MRPS10: variants seen among roughly 807,000 people sequenced by gnomAD.
MRPS10 encodes small ribosomal subunit protein uS10m.
In MRPS10, 23 loss-of-function variants were observed where a neutral mutation model predicts 27.5. That is an observed-to-expected ratio of 0.84 (90% CI 0.60 to 1.18). The LOEUF is 1.18. Among genes scored for constraint, MRPS10 ranks in the 50% most tolerant of loss-of-function variants. The pLI is 0.00. For synonymous variants in MRPS10, 88 were observed against 84.2 expected (o/e 1.04, Z -0.25); for missense variants, 237 against 240.1 (o/e 0.99, Z 0.09).
At chr6:42,215,356 T>A (rs927238196) in intron 1 of MRPS10, among the ~76,000 whole-genome samples, 4 of 3,706 alleles carry the variant, frequency 1.1e-3, no homozygotes, top group East Asian at 0.021. Flanking sequence ...CGAGACTCCC[T>A]CTCAAAAAAA....
chr6:42,217,703 T>C, intron 1 of MRPS10, 99 bp downstream of exon 1: 1 of 1,278,468 alleles, frequency 7.8e-7, no homozygotes, highest in South Asian at 1.2e-5. Context: ...GAGGGATAAA[T>C]ATCAGGAAAA....
chr6:42,215,014 T>A (rs1403295228), intron 1 of MRPS10, among the ~76,000 whole-genome samples: 1 of 152,154 alleles, frequency 6.6e-6, no homozygotes, highest in African/African-American at 2.4e-5. Context: ...TAACAGCTGT[T>A]TTTTCCTTTC....
In MRPS10 at chr6:42,214,147, ATCAACGTGTAG is replaced by A; in HGVS notation, c.148_158del (p.Leu50CysfsTer14). On this transcript the variant is annotated frameshift_variant, in exon 3 of 7. Transcript: ENST00000053468. LOFTEE classifies it high-confidence loss of function. ...CAGGTTTGGTCAAATCCTTTGGAACATCAACGTGTAGGTTTGAAAACTGTACCCACTTCATA... is the reference window on the plus strand; with the variant it reads ...CAGGTTTGGTCAAATCCTTTGGAACAGTTTGAAAACTGTACCCACTTCATA... 1 of 1,613,198 alleles carries A rather than the reference ATCAACGTGTAG, an allele frequency of 6.2e-7. No individual in the cohort carries two copies. Among genetic ancestry groups the A allele is most frequent in the South Asian group, 1.1e-5 (1 of 90,924 alleles).
intron 1 of MRPS10, among the ~76,000 whole-genome samples, chr6:42,217,451 C>A (rs1003250447): frequency 6.6e-6 from 1 of 152,172 alleles, no homozygotes; most frequent in Non-Finnish European, 1.5e-5. Flanking sequence ...TATCTTGCAC[C>A]AGCTCAGCCT....
intron 3 of MRPS10, among the ~76,000 whole-genome samples, chr6:42,212,848 T>A (rs947138482): frequency 6.6e-6 from 1 of 152,232 alleles, no homozygotes; most frequent in African/African-American, 2.4e-5. Flanking sequence ...AGGGGGAATA[T>A]AGCCTCAAGA....
chr6:42,214,009 G>A, intron 3 of MRPS10, 111 bp downstream of exon 3: 1 of 806,106 alleles, frequency 1.2e-6, no homozygotes, highest in Non-Finnish European at 1.9e-6. Flanking sequence ...CAGTATTCTA[G>A]GACAAAATTT....
chr6:42,216,968 A>G (rs760763841), intron 1 of MRPS10, among the ~76,000 whole-genome samples: 1 of 152,190 alleles, frequency 6.6e-6, no homozygotes, highest in East Asian at 1.9e-4. Flanking sequence ...ACCAGTGTAC[A>G]GTGAAGTTTT....
At chr6:42,214,578 C>G (rs1768868980) in intron 1 of MRPS10, among the ~76,000 whole-genome samples, 1 of 101,270 alleles carries the variant, frequency 9.9e-6, no homozygotes, top group African/African-American at 2.7e-5. Flanking sequence ...GGAATAAAAA[C>G]TTTTTCAAAA....
rs968638778 is a variant in MRPS10 at position 42,207,140 on chromosome 6, CAG to C, written c.*1147_*1148del. On this transcript the variant is annotated 3_prime_UTR_variant, in exon 7 of 7. Transcript: ENST00000053468. ...GGAAAAGCAGACATCTCCTAACAAA[CAG>C]AGTGACATTTACCAAAATAAAGAGG... The C allele has an allele frequency of 1.1e-4, 16 of 151,320 alleles. No homozygotes were observed. Among genetic ancestry groups the C allele is most frequent in the Admixed American group, 6.6e-5 (1 of 15,258 alleles). 9.4% of individuals were successfully genotyped at this position (151,320 alleles called of 1,614,324 possible).
chr6:42,217,801 C>T lies in MRPS10; in HGVS notation c.48+1G>A, dbSNP rs1397552503. The T allele has an allele frequency of 1.9e-6, 3 of 1,614,178 alleles. No homozygotes were observed. Among genetic ancestry groups the T allele is most frequent in the Admixed American group, 3.3e-5 (2 of 60,010 alleles). The stretch of plus-strand genomic sequence containing the variant: ...CCTAGTCTCCCTAGCCAATCCAGTA[C>T]CTGCCAGAGGCGCCGGCACACAGCA... On this transcript the variant is annotated splice_donor_variant, in intron 1 of 6. Coordinates refer to ENST00000053468, the MANE Select transcript of MRPS10 (RefSeq NM_018141.4). LOFTEE classifies it high-confidence loss of function.
At chr6:42,212,041 T>C (rs1275844027) in intron 3 of MRPS10, 124 bp from the exon 4 acceptor site, 31 of 809,978 alleles carry the variant, frequency 3.8e-5, no homozygotes, top group Non-Finnish European at 5.4e-5. Context: ...AAACACTGAG[T>C]GACGGCAGTG....
At position 42,214,294 on chromosome 6, in the gene MRPS10, A is replaced by G. The variant is rs769239613; in HGVS notation, c.99T>C (p.Asn33=). Residue 33 remains asparagine (N), a synonymous_variant, in exon 2 of 7, where the codon AAT becomes AAC. Transcript: ENST00000053468. ...TGTATACTTACAGAAGCAAGCCACC[A>G]TTTTTGGCTGTATTGCCCTTAGAAG... ...VNTSKGNTAK[N]GGLLLSTNMK... is the part of the protein sequence containing the mutation. 8 of 1,613,000 alleles carry G rather than the reference A, an allele frequency of 5.0e-6. No homozygotes were observed. The highest frequency in any genetic ancestry group is 1.7e-4 in the Middle Eastern group (1 of 6,056).
At chr6:42,208,810 T>C (rs1562070977) in intron 6 of MRPS10, 48 bp downstream of exon 6, 1 of 1,266,902 alleles carries the variant, frequency 7.9e-7, no homozygotes, top group Non-Finnish European at 1.1e-6. Context: ...ACAATACAGA[T>C]ACCACTCCCC....
At position 42,208,209 on chromosome 6, in the gene MRPS10, C is replaced by G. The variant is rs1403526565; in HGVS notation, c.*80G>C. On this transcript the variant is annotated 3_prime_UTR_variant, in exon 7 of 7. Transcript: ENST00000053468. ...TTAGGGCAGACTCAAATCATCTCAG[C>G]TGGAAGCACTCTCCACTTAAACATA... is the stretch of plus-strand genomic sequence containing the variant. 1 of 1,054,786 alleles carries G rather than the reference C, an allele frequency of 9.5e-7. No individual in the cohort carries two copies. Among genetic ancestry groups the G allele is most frequent in the Non-Finnish European group, 1.5e-6 (1 of 681,564 alleles). 65.3% of individuals were successfully genotyped at this position (1,054,786 alleles called of 1,614,324 possible). A position where few individuals can be genotyped will look rare whatever the true frequency, so the allele number is the denominator to read the frequency against.
At chr6:42,209,001 TTTTTG>T (rs1362548518) in intron 5 of MRPS10, 54 bp from the exon 6 acceptor site, 7 of 1,157,486 alleles carry the variant, frequency 6.0e-6, no homozygotes, top group African/African-American at 1.9e-5. Flanking sequence ...AAAGCACGGT[TTTTTG>T]TTTTTTTTTT....
chr6:42,214,367 A>G (rs368932243), intron 1 of MRPS10, 23 bp from the exon 2 acceptor site: 1 of 1,542,124 alleles, frequency 6.5e-7, no homozygotes, highest in South Asian at 1.1e-5. Context: ...AAAGTAGGAC[A>G]TGTGTTAGAA....
chr6:42,210,168 G>C (rs927603666), intron 5 of MRPS10, among the ~76,000 whole-genome samples: 1 of 152,200 alleles, frequency 6.6e-6, no homozygotes, highest in African/African-American at 2.4e-5. Context: ...GGAAAATCCA[G>C]CTAGTATGTG....
intron 1 of MRPS10, among the ~76,000 whole-genome samples, chr6:42,216,268 C>A (rs534388199): frequency 2.1e-4 from 32 of 151,194 alleles, no homozygotes; most frequent in African/African-American, 7.0e-4. Context: ...GTGATCCGCC[C>A]ACCTCGGCCT....
chr6:42,211,845 C>T lies in MRPS10; in HGVS notation c.259G>A (p.Val87Ile), dbSNP rs1400371139. 1.9e-6 allele frequency: 3 copies of T among 1,613,872 alleles called. No homozygotes were observed. Among genetic ancestry groups the T allele is most frequent in the African/African-American group, 2.7e-5 (2 of 74,906 alleles). ...SVLVKGHDKA[V>I]LDSYEYFAVL... ...GCAAAATATTCATAACTGTCCAATA[C>T]AGCCTTATCGTGACCTTTCACCAAA... The change falls in exon 4 of 7, where the codon GTA (valine) becomes ATA (isoleucine). Residue 87 changes from valine (V) to isoleucine (I), a missense_variant. Val to Ile is a conservative substitution (Grantham distance 29). Coordinates refer to ENST00000053468, the MANE Select transcript of MRPS10 (RefSeq NM_018141.4).
Sources: gnomAD v4.1 joint callset for allele counts (sites outside exome capture counted in the v4.1 genomes callset) on GRCh38, gnomAD v4.1.1 for gene constraint, MANE v1.5 for transcripts, NCBI Gene and HGNC (gene_info 2026-07-23, HGNC 2026-07-21) for gene names.